CTXND1: variants seen among roughly 807,000 people sequenced by gnomAD.
CTXND1 encodes cortexin domain containing 1.
chr15:80,239,727 AC>A (rs948131681), intron 1 of CTXND1, among the ~76,000 whole-genome samples: 7 of 152,142 alleles, frequency 4.6e-5, no homozygotes, highest in African/African-American at 1.4e-4. Context: ...TAATACAATC[AC>A]CAACTCGCTA....
intron 1 of CTXND1, among the ~76,000 whole-genome samples, chr15:80,244,104 G>A (rs766921435): frequency 2.3e-4 from 35 of 152,318 alleles, no homozygotes; most frequent in Non-Finnish European, 4.0e-4. Context: ...CACCAAGGAG[G>A]TGGGAAATGG....
intron 1 of CTXND1, among the ~76,000 whole-genome samples, chr15:80,204,419 C>T (rs1284124167): frequency 6.6e-6 from 1 of 150,558 alleles, no homozygotes; most frequent in Non-Finnish European, 1.5e-5. Flanking sequence ...AAACTGTGCG[C>T]TCATTAGACC....
chr15:80,227,644 C>T (rs1016670662), intron 1 of CTXND1, among the ~76,000 whole-genome samples: 5 of 152,118 alleles, frequency 3.3e-5, no homozygotes, highest in African/African-American at 1.2e-4. Flanking sequence ...CTATATTGTA[C>T]ATTAAACATG....
intron 1 of CTXND1, among the ~76,000 whole-genome samples, chr15:80,212,610 A>G (rs1893212886): frequency 6.6e-6 from 1 of 152,208 alleles, no homozygotes. Context: ...CCCCTCAGCC[A>G]TCTCAGCAGA....
chr15:80,228,864 G>A (rs575724994), intron 1 of CTXND1, among the ~76,000 whole-genome samples: 42 of 152,054 alleles, frequency 2.8e-4, no homozygotes, highest in Admixed American at 2.8e-3. Flanking sequence ...TCCTGACCTC[G>A]TGATCCACCT....
At position 80,231,995 on chromosome 15, in the gene CTXND1, C is replaced by T. The variant is rs536334801; in HGVS notation, c.-218+20012G>A. Among the ~76,000 whole-genome samples, 5 of 152,210 alleles carry T rather than the reference C, an allele frequency of 3.3e-5. No individual in the cohort carries two copies. In the East Asian group the frequency reaches 5.8e-4, roughly 18 times the overall value. ...CCCAGGAACTTAGGAAGTTGGATGG[C>T]GTGGAGCTTCTGGGGCCACAGTGGG... On this transcript the variant is annotated intron_variant, in intron 1 of 2. Transcript: ENST00000560778.
At chr15:80,218,955 A>G (rs1004361555) in intron 1 of CTXND1, among the ~76,000 whole-genome samples, 2 of 148,894 alleles carry the variant, frequency 1.3e-5, no homozygotes, top group African/African-American at 4.9e-5. Flanking sequence ...TTTTTGAGAC[A>G]GGGTCTTGTG....
intron 1 of CTXND1, among the ~76,000 whole-genome samples, chr15:80,219,746 T>C (rs532024479): frequency 5.6e-4 from 85 of 152,340 alleles, no homozygotes; most frequent in African/African-American, 1.8e-3. Context: ...TATGTCATTA[T>C]GGATTTAATT....
chr15:80,206,594 A>AT (rs1452505765), intron 1 of CTXND1, among the ~76,000 whole-genome samples: 1 of 151,638 alleles, frequency 6.6e-6, no homozygotes, highest in Non-Finnish European at 1.5e-5. Context: ...CCACTACCTA[A>AT]TTTTAGTCAC....
At chr15:80,213,444 G>A (rs1473823132) in intron 1 of CTXND1, among the ~76,000 whole-genome samples, 1 of 152,096 alleles carries the variant, frequency 6.6e-6, no homozygotes, top group African/African-American at 2.4e-5. Flanking sequence ...TTGGGATTGG[G>A]GGAATTATCC....
chr15:80,224,025 G>A (rs1259540588), intron 1 of CTXND1, among the ~76,000 whole-genome samples: 1 of 152,058 alleles, frequency 6.6e-6, no homozygotes, highest in Non-Finnish European at 1.5e-5. Flanking sequence ...CATCATTTTT[G>A]CTGTTTTCTC....
intron 1 of CTXND1, among the ~76,000 whole-genome samples, chr15:80,221,812 A>C (rs1335486317): frequency 1.3e-5 from 2 of 152,200 alleles, no homozygotes; most frequent in African/African-American, 4.8e-5. Flanking sequence ...CCATTGCTCT[A>C]ACTGCTATTC....
intron 1 of CTXND1, among the ~76,000 whole-genome samples, chr15:80,251,488 A>G (rs1893696023): frequency 6.6e-6 from 1 of 152,210 alleles, no homozygotes; most frequent in African/African-American, 2.4e-5. Flanking sequence ...AATCTGTTCT[A>G]TGTGACTGTC....
chr15:80,234,798 G>A (rs903971816), intron 1 of CTXND1, among the ~76,000 whole-genome samples: 1 of 152,102 alleles, frequency 6.6e-6, no homozygotes, highest in African/African-American at 2.4e-5. Context: ...CTTTTGATGG[G>A]GCTGTCTTCC....
chr15:80,203,238 T>G (rs970252283), intron 2 of CTXND1, among the ~76,000 whole-genome samples: 2 of 152,102 alleles, frequency 1.3e-5, no homozygotes, highest in African/African-American at 4.8e-5. Context: ...ACTTGTGGAG[T>G]GCTTGAACTG....
intron 1 of CTXND1, among the ~76,000 whole-genome samples, chr15:80,215,188 C>A (rs1893239431): frequency 6.6e-6 from 1 of 152,180 alleles, no homozygotes; most frequent in Admixed American, 6.5e-5. Context: ...ATGAAGCCAC[C>A]CAATGTTGTC....
intron 1 of CTXND1, among the ~76,000 whole-genome samples, chr15:80,251,168 T>C (rs1893689852): frequency 6.6e-6 from 1 of 152,188 alleles, no homozygotes; most frequent in African/African-American, 2.4e-5. Flanking sequence ...ACTGTGGCCC[T>C]ATTGCACGCC....
chr15:80,206,090 T>G (rs1485393384), intron 1 of CTXND1, among the ~76,000 whole-genome samples: 2 of 152,206 alleles, frequency 1.3e-5, no homozygotes, highest in Non-Finnish European at 2.9e-5. Context: ...GTTAACGTTT[T>G]GCTGCATTTT....
chr15:80,208,213 A>G (rs1893170228), intron 1 of CTXND1, among the ~76,000 whole-genome samples: 1 of 152,262 alleles, frequency 6.6e-6, no homozygotes, highest in Non-Finnish European at 1.5e-5. Context: ...GCCATGGTAT[A>G]TCTGTGTCAT....
Sources: allele counts gnomAD v4.1 joint callset (sites outside exome capture counted in the v4.1 genomes callset), GRCh38; gene constraint gnomAD v4.1.1; transcripts MANE v1.5; gene names NCBI Gene and HGNC (gene_info 2026-07-23, HGNC 2026-07-21).